ARHGAP39: variants seen among roughly 807,000 people sequenced by gnomAD.
ARHGAP39 encodes rho GTPase-activating protein 39.
ARHGAP39 carries 44 observed loss-of-function variants against 106.9 expected under a neutral mutation model. The observed-to-expected ratio is 0.41, with a 90% CI of 0.32 to 0.53. The LOEUF (loss-of-function observed/expected upper bound fraction) is 0.53, where lower values mean the gene tolerates loss of function less well. Ranked by LOEUF, ARHGAP39 falls within the 20% of genes least tolerant of loss-of-function variation. The probability of loss-of-function intolerance (pLI) is 0.21; values close to 1 mark genes in which losing one functional copy is unlikely to be tolerated. For synonymous variants in ARHGAP39, 768 were observed against 693.2 expected (o/e 1.11, Z -1.69); for missense variants, 1,496 against 1,577.3 (o/e 0.95, Z 0.87).
At chr8:144,587,594 C>T (rs764400953) in intron 2 of ARHGAP39, among the ~76,000 whole-genome samples, 12 of 151,146 alleles carry the variant, frequency 7.9e-5, no homozygotes, top group Non-Finnish European at 1.5e-4. Context: ...AGGGAGCACA[C>T]GGGAGCGGGC....
At chr8:144,532,468 C>T (rs1004190831) in intron 9 of ARHGAP39, 72 bp from the exon 10 acceptor site, 24 of 1,373,708 alleles carry the variant, frequency 1.7e-5, no homozygotes, top group Non-Finnish European at 2.4e-5. Flanking sequence ...CTGGACACTC[C>T]CTCCGGTAGG....
intron 3 of ARHGAP39, among the ~76,000 whole-genome samples, chr8:144,559,777 G>A (rs1217659719): frequency 6.6e-6 from 1 of 152,244 alleles, no homozygotes; most frequent in Non-Finnish European, 1.5e-5. Flanking sequence ...TAGGACCCAA[G>A]TCTAAATACA....
rs533053020 is a variant in ARHGAP39 at position 144,671,732 on chromosome 8, G to A, written c.-82+13954C>T. 1.3e-5 allele frequency among the ~76,000 whole-genome samples: 2 copies of A among 152,104 alleles called. No individual in the cohort carries two copies. The highest frequency in any genetic ancestry group is 6.5e-5 in the Admixed American group (1 of 15,270). Reference sequence around the variant, plus strand: ...CCAGCCACCCTAGGGTTCTCCCTACGACCCCAGGCACACGGCCACCTCTGC... The same window carrying A: ...CCAGCCACCCTAGGGTTCTCCCTACAACCCCAGGCACACGGCCACCTCTGC... On this transcript the variant is annotated intron_variant, in intron 1 of 11. Coordinates refer to ENST00000377307, the MANE Select transcript of ARHGAP39 (RefSeq NM_025251.3). This position sits in a 1 kb window ranked among gnomAD's most constrained non-coding sequence, Gnocchi z 4.5.
chr8:144,619,509 CCT>C (rs1554607476), intron 1 of ARHGAP39, among the ~76,000 whole-genome samples: 2 of 151,528 alleles, frequency 1.3e-5, no homozygotes, highest in Non-Finnish European at 2.9e-5. Context: ...CCTCTGTGTC[CCT>C]GAGAAAGCGT....
At chr8:144,581,425 C>T in intron 2 of ARHGAP39, 148 bp from the exon 3 acceptor site, 1 of 954,950 alleles carries the variant, frequency 1.0e-6, no homozygotes, top group Non-Finnish European at 1.5e-6. Flanking sequence ...CCGCCCCTGA[C>T]TGCTGTGCTC....
intron 4 of ARHGAP39, among the ~76,000 whole-genome samples, chr8:144,555,037 C>G (rs1258420494): frequency 6.6e-6 from 1 of 152,142 alleles, no homozygotes; most frequent in Non-Finnish European, 1.5e-5. Flanking sequence ...AATCCAGGTG[C>G]CTGCCTCTGC....
chr8:144,664,985 A>C (rs1268916938), intron 1 of ARHGAP39, among the ~76,000 whole-genome samples: 4 of 152,202 alleles, frequency 2.6e-5, no homozygotes, highest in African/African-American at 4.8e-5. Context: ...AAGACAGGAA[A>C]ATGTGGGAAA....
chr8:144,614,378 A>C (rs1344175846), intron 1 of ARHGAP39, among the ~76,000 whole-genome samples: 1 of 144,826 alleles, frequency 6.9e-6, no homozygotes, highest in Non-Finnish European at 1.5e-5. Context: ...TTTGAGACGG[A>C]GTCTCGCTCT....
chr8:144,655,000 C>A (rs1164714891), intron 1 of ARHGAP39, among the ~76,000 whole-genome samples: 1 of 152,192 alleles, frequency 6.6e-6, no homozygotes, highest in African/African-American at 2.4e-5. Context: ...GGCCCCTCAC[C>A]CTTGCAGACT....
chr8:144,601,968 T>G (rs1819993299), intron 2 of ARHGAP39, among the ~76,000 whole-genome samples: 1 of 138,338 alleles, frequency 7.2e-6, no homozygotes, highest in Admixed American at 7.3e-5. Flanking sequence ...TGTGTTCATG[T>G]GCGTGGAGGT....
At chr8:144,675,082 G>A (rs1348997280) in intron 1 of ARHGAP39, among the ~76,000 whole-genome samples, 1 of 152,110 alleles carries the variant, frequency 6.6e-6, no homozygotes, top group Non-Finnish European at 1.5e-5. Flanking sequence ...AACTTGGAAG[G>A]GGGTGCAGCT....
At position 144,555,580 on chromosome 8, in the gene ARHGAP39, G is replaced by A. The variant is rs777945075; in HGVS notation, c.576C>T (p.Asp192=). The A allele has an allele frequency of 2.5e-5, 40 of 1,613,908 alleles. No homozygotes were observed. The highest frequency in any genetic ancestry group is 6.7e-5 in the Admixed American group (4 of 60,008). Residue 192 remains aspartate, a synonymous_variant, in exon 4 of 12, where the codon GAC becomes GAT. Coordinates refer to ENST00000377307, the MANE Select transcript of ARHGAP39 (RefSeq NM_025251.3). ...TCTACCTGTAGTGAAGAAGCTGGCC[G>A]TCCGCACTGTAATCCCGGTAAATCT... ...DYEIYRDYSA[D]GQLLHYRTSS...
intron 3 of ARHGAP39, 70 bp downstream of exon 3, chr8:144,580,775 CT>C (rs1438635319): frequency 3.4e-6 from 3 of 890,166 alleles, no homozygotes; most frequent in African/African-American, 1.9e-5. Flanking sequence ...CCACCACCCC[CT>C]ACCTGCCTCA....
intron 9 of ARHGAP39, 94 bp downstream of exon 9, chr8:144,533,032 T>G: frequency 6.9e-7 from 1 of 1,453,824 alleles, no homozygotes; most frequent in Non-Finnish European, 9.3e-7. Context: ...AGCAGCCCAG[T>G]GGGCCTGAGG....
At chr8:144,600,713 T>A (rs1269638732) in intron 2 of ARHGAP39, among the ~76,000 whole-genome samples, 1 of 144,490 alleles carries the variant, frequency 6.9e-6, no homozygotes, top group East Asian at 2.1e-4. Context: ...CGTGTGCACT[T>A]GTGTACCTGA....
the ARHGAP39 span, among the ~76,000 whole-genome samples, chr8:144,695,248 G>T: frequency 2.5e-4 from 1 of 4,064 alleles, no homozygotes; most frequent in African/African-American, 8.7e-4. Context: ...CTAATTTTTT[G>T]CATTTTAAGT....
rs901040714 is a variant in ARHGAP39 at position 144,670,943 on chromosome 8, G to A, written c.-82+14743C>T. ...CAGAAAGGCACGACCACCTAATCCA[G>A]CTCTGATGACGCTGCCTGGTGCTGC... On this transcript the variant is annotated intron_variant, in intron 1 of 11. Transcript: ENST00000377307. This position sits in a 1 kb window ranked among gnomAD's most constrained non-coding sequence, Gnocchi z 4.4. Among the ~76,000 whole-genome samples, 1 of 152,164 alleles carries A rather than the reference G, an allele frequency of 6.6e-6. No individual in the cohort carries two copies. Among genetic ancestry groups the A allele is most frequent in the Non-Finnish European group, 1.5e-5 (1 of 68,040 alleles).
chr8:144,557,894 G>A (rs1942533655), intron 3 of ARHGAP39, among the ~76,000 whole-genome samples: 1 of 151,964 alleles, frequency 6.6e-6, no homozygotes, highest in Non-Finnish European at 1.5e-5. Flanking sequence ...AACTGGACAA[G>A]AAAAAAAACC....
At chr8:144,596,807 C>T (rs1240275599) in intron 2 of ARHGAP39, among the ~76,000 whole-genome samples, 2 of 152,184 alleles carry the variant, frequency 1.3e-5, no homozygotes, top group East Asian at 3.9e-4. Flanking sequence ...GCTGCAGGAG[C>T]GGCCACCATG....
Sources: gnomAD v4.1 joint callset for allele counts (sites outside exome capture counted in the v4.1 genomes callset) on GRCh38, gnomAD v4.1.1 for gene constraint, Gnocchi (gnomAD v3.1) non-coding constraint, MANE v1.5 for transcripts, NCBI Gene and HGNC (gene_info 2026-07-23, HGNC 2026-07-21) for gene names.